FCHO1: variants seen among roughly 807,000 people sequenced by gnomAD.
FCHO1 encodes the protein FCH and mu domain containing endocytic adaptor 1, also known as F-BAR domain only protein 1.
FCHO1 carries 45 observed loss-of-function variants against 114.4 expected under a neutral mutation model. The ratio of observed to expected loss-of-function variants is 0.39; its 90% confidence interval spans 0.31 to 0.50. The LOEUF is 0.50. FCHO1 is among the 20% of genes least tolerant of loss of function. The probability of loss-of-function intolerance (pLI) is 0.77; values close to 1 mark genes in which losing one functional copy is unlikely to be tolerated. For synonymous variants in FCHO1, 480 were observed against 488.9 expected (o/e 0.98, Z 0.24); for missense variants, 1,042 against 1,209.6 (o/e 0.86, Z 2.06).
At chr19:17,773,517 G>T (rs1194581851) in intron 11 of FCHO1, among the ~76,000 whole-genome samples, 3 of 152,126 alleles carry the variant, frequency 2.0e-5, no homozygotes, top group African/African-American at 7.2e-5. Context: ...ACAGGCCCCA[G>T]ATCTGTTTTG....
intron 4 of FCHO1, among the ~76,000 whole-genome samples, chr19:17,761,901 C>T (rs1272501862): frequency 2.0e-5 from 3 of 149,672 alleles, no homozygotes; most frequent in Admixed American, 6.8e-5. Flanking sequence ...CCTCATGGTC[C>T]GCCCGCCTCA....
chr19:17,758,000 G>A (rs2146398358), intron 4 of FCHO1, among the ~76,000 whole-genome samples: 1 of 151,124 alleles, frequency 6.6e-6, no homozygotes, highest in East Asian at 1.9e-4. Context: ...CGGATCACAA[G>A]GTCAGGAGAT....
At position 17,778,126 on chromosome 19, in the gene FCHO1, A is replaced by G; in HGVS notation, c.1260-11A>G. ...AAATAGAAGCAGCCCTCTTGGCCTC[A>G]CCCTCTCTAGCTGTGCAGAGAGATT... On this transcript the variant is annotated splice_polypyrimidine_tract_variant and intron_variant, in intron 18 of 28. Coordinates refer to ENST00000596536, the MANE Select transcript of FCHO1 (RefSeq NM_015122.3). 1 of 1,609,804 alleles carries G rather than the reference A, an allele frequency of 6.2e-7. No individual in the cohort carries two copies.
chr19:17,785,269 G>C (rs2093770172), intron 26 of FCHO1, among the ~76,000 whole-genome samples: 1 of 152,062 alleles, frequency 6.6e-6, no homozygotes, highest in Non-Finnish European at 1.5e-5. Flanking sequence ...GTGCAGGTTG[G>C]AGTGCAGTGG....
intron 28 of FCHO1, among the ~76,000 whole-genome samples, 167 bp downstream of exon 28, chr19:17,788,013 C>T (rs932384663): frequency 3.3e-5 from 5 of 152,024 alleles, no homozygotes; most frequent in Non-Finnish European, 7.4e-5. Flanking sequence ...GAGGCAGGGC[C>T]CTGTGTATCT....
intron 23 of FCHO1, 101 bp downstream of exon 23, chr19:17,781,921 A>G (rs2093448949): frequency 2.6e-6 from 2 of 781,232 alleles, no homozygotes. Context: ...TTATAGTGAA[A>G]GGGCCTTGAA....
intron 4 of FCHO1, among the ~76,000 whole-genome samples, chr19:17,762,027 C>T (rs145087018): frequency 0.014 from 2,054 of 151,198 alleles, 19 homozygotes; most frequent in Non-Finnish European, 0.022. Flanking sequence ...GCTCTGATAC[C>T]CAGGCTGGAG....
rs749912254 is a variant in FCHO1, at chr19:17,784,790, C to T, written c.2292C>T (p.Thr764=). The stretch of plus-strand genomic sequence containing the variant: ...GTGCCCACTGGCAGTGTGGAGCCAC[C>T]CTCACCCAGGTCTCAGTGGAGTACG... ...QLSAHWQCGA[T]LTQVSVEYGY... Residue 764 remains threonine (T), a synonymous_variant, in exon 26 of 29, where the codon ACC becomes ACT. Transcript: ENST00000596536. The surrounding 1 kb of genome is among the most constrained non-coding windows in gnomAD (Gnocchi z 5.3). 1 of 1,614,120 alleles carries T rather than the reference C, an allele frequency of 6.2e-7. No homozygotes were observed. The highest frequency in any genetic ancestry group is 8.5e-7 in the Non-Finnish European group (1 of 1,180,024).
Position 17,776,511 on chromosome 19 carries a change from C to T in FCHO1, c.1208-124C>T, listed in dbSNP as rs75903347. The T allele has an allele frequency of 1.7e-4, 197 of 1,162,816 alleles. No individual in the cohort carries two copies. The East Asian group carries it at 4.4e-3, about 26-fold the overall frequency. 72.0% of individuals were successfully genotyped at this position (1,162,816 alleles called of 1,614,324 possible). A position where few individuals can be genotyped will look rare whatever the true frequency, so the allele number is the denominator to read the frequency against. On this transcript the variant is annotated intron_variant, in intron 17 of 28. Transcript: ENST00000596536. This position sits in a 1 kb window ranked among gnomAD's most constrained non-coding sequence, Gnocchi z 4.4. Reference sequence around the variant, plus strand: ...TCGCTTAGGCTTGAATCCATGTCTGCCTGATTTGCTGATCACCTTGGGCAA... The same window carrying T: ...TCGCTTAGGCTTGAATCCATGTCTGTCTGATTTGCTGATCACCTTGGGCAA...
At chr19:17,767,767 G>A (rs1026606156) in intron 7 of FCHO1, among the ~76,000 whole-genome samples, 5 of 152,162 alleles carry the variant, frequency 3.3e-5, no homozygotes, top group Admixed American at 1.3e-4. Flanking sequence ...TGGCTGTTTG[G>A]CACTGCAGCG....
rs2093733003 is a variant in FCHO1 at position 17,784,886 on chromosome 19, G to T, written c.2388G>T (p.Glu796Asp). 1 of 1,613,278 alleles carries T rather than the reference G, an allele frequency of 6.2e-7. No individual in the cohort carries two copies. The part of the protein sequence containing the change: ...TNVQILLPVG[E>D]PVTNVRLQPA... ...TCCAGATCCTGCTGCCTGTGGGGGAGCCTGTGACCAACGTCCGCTTGCAGC... is the reference window on the plus strand; with the variant it reads ...TCCAGATCCTGCTGCCTGTGGGGGATCCTGTGACCAACGTCCGCTTGCAGC... The change falls in exon 26 of 29, where the codon GAG becomes GAT. Residue 796 changes from glutamate (E) to aspartate (D), a missense_variant. By Grantham distance (45) the Glu-to-Asp change is conservative. Around this residue, in one of 3 missense-constraint regions of FCHO1, gnomAD observed 137 missense variants for 190.0 expected, o/e 0.72. Transcript: ENST00000596536. This position sits in a 1 kb window ranked among gnomAD's most constrained non-coding sequence, Gnocchi z 5.3.
chr19:17,748,176 G>A (rs1242284187), upstream of FCHO1, among the ~76,000 whole-genome samples: 3 of 152,206 alleles, frequency 2.0e-5, no homozygotes, highest in African/African-American at 7.2e-5. Flanking sequence ...CTGGAACCCT[G>A]GGCGGTGGCT....
At chr19:17,786,428 C>T (rs1470359848) in intron 26 of FCHO1, 146 bp from the exon 27 acceptor site, 4 of 726,480 alleles carry the variant, frequency 5.5e-6, no homozygotes, top group African/African-American at 5.3e-5. Context: ...TTCCATATCT[C>T]ACCCTCATTT....
chr19:17,787,820 C>T lies in FCHO1; in HGVS notation c.2621C>T (p.Ser874Leu), dbSNP rs1215872386. 3.1e-6 allele frequency: 5 copies of T among 1,613,404 alleles called. No individual in the cohort carries two copies. Among genetic ancestry groups the T allele is most frequent in the Admixed American group, 1.7e-5 (1 of 59,952 alleles). The change falls in exon 28 of 29, where the codon TCG becomes TTG. Residue 874 changes from serine (S) to leucine (L), a missense_variant. Ser to Leu is a moderately radical substitution (Grantham distance 145). Transcript: ENST00000596536. ...CTGGTGGGCAGCGGTTACCGCATGT[C>T]GCTGGTGAAGAGGAGGTTTGCCACA... is the stretch of plus-strand genomic sequence containing the variant. ...LELVGSGYRM[S>L]LVKRRFATGM...
rs1472610217 is a variant in FCHO1, at chr19:17,776,529, T to C, written c.1208-106T>C. 3.8e-6 allele frequency: 5 copies of C among 1,318,772 alleles called. No homozygotes were observed. Among genetic ancestry groups the C allele is most frequent in the East Asian group, 4.6e-5 (2 of 43,416 alleles). 81.7% of individuals were successfully genotyped at this position (1,318,772 alleles called of 1,614,324 possible). ...ATGTCTGCCTGATTTGCTGATCACCTTGGGCAACTGGCTGGACACCCCCGA... is the reference window on the plus strand; with the variant it reads ...ATGTCTGCCTGATTTGCTGATCACCCTGGGCAACTGGCTGGACACCCCCGA... On this transcript the variant is annotated intron_variant, in intron 17 of 28. Coordinates refer to ENST00000596536, the MANE Select transcript of FCHO1 (RefSeq NM_015122.3). This position sits in a 1 kb window ranked among gnomAD's most constrained non-coding sequence, Gnocchi z 4.4.
rs1232487305 is a variant in FCHO1, at chr19:17,784,967, C to T, written c.2426+43C>T. The T allele has an allele frequency of 1.9e-6, 3 of 1,585,030 alleles. No individual in the cohort carries two copies. The highest frequency in any genetic ancestry group is 2.6e-6 in the Non-Finnish European group (3 of 1,166,484). On this transcript the variant is annotated intron_variant, in intron 26 of 28. Transcript: ENST00000596536. This position sits in a 1 kb window ranked among gnomAD's most constrained non-coding sequence, Gnocchi z 5.3. The stretch of plus-strand genomic sequence containing the variant: ...GCCAAGGAAAACTCAGCAGTTTCCC[C>T]CATAACCCCAGACCTTCTCCCTGAT...
Position 17,781,772 on chromosome 19 carries a change from C to T in FCHO1, c.1889C>T (p.Thr630Ile), listed in dbSNP as rs753883103. ...LGSQDALPIA[T>I]AFTEYVHAYF... ...TCCCAGGATGCCCTGCCCATAGCCA[C>T]AGCCTTCACAGAGTATGTCCACGCC... Residue 630 changes from threonine to isoleucine, a missense_variant, in exon 23 of 29, where the codon ACA becomes ATA. Around this residue, in one of 3 missense-constraint regions of FCHO1, gnomAD observed 455 missense variants for 455.4 expected, o/e 1.00. Transcript: ENST00000596536. The T allele has an allele frequency of 6.2e-7, 1 of 1,611,954 alleles. No individual in the cohort carries two copies.
At chr19:17,759,167 T>C (rs911183549) in intron 4 of FCHO1, among the ~76,000 whole-genome samples, 9 of 151,930 alleles carry the variant, frequency 5.9e-5, no homozygotes, top group Non-Finnish European at 1.2e-4. Context: ...TCCAGTGTTA[T>C]TATAAGACCT....
intron 7 of FCHO1, among the ~76,000 whole-genome samples, chr19:17,767,463 A>C (rs2089749626): frequency 1.4e-5 from 2 of 144,922 alleles, no homozygotes; most frequent in Non-Finnish European, 3.0e-5. Context: ...GCTACTCAGG[A>C]GGCTGAGGTG....
Sources: gnomAD v4.1 joint callset for allele counts (sites outside exome capture counted in the v4.1 genomes callset) on GRCh38, gnomAD v4.1.1 for gene constraint, gnomAD v4.1.1 regional missense constraint, Gnocchi (gnomAD v3.1) non-coding constraint, MANE v1.5 for transcripts, NCBI Gene and HGNC (gene_info 2026-07-23, HGNC 2026-07-21) for gene names.